JARID2: variants seen among roughly 807,000 people sequenced by gnomAD.
JARID2 encodes the protein protein Jumonji.
JARID2 carries 21 observed loss-of-function variants against 125.6 expected under a neutral mutation model. The ratio of observed to expected loss-of-function variants is 0.17; its 90% CI spans 0.12 to 0.24. The LOEUF (loss-of-function observed/expected upper bound fraction) is 0.24, where lower values mean the gene tolerates loss of function less well. Among genes scored for constraint, JARID2 ranks in the 10% least tolerant of loss-of-function variants. The probability of loss-of-function intolerance (pLI) is 1.00; values close to 1 mark genes in which losing one functional copy is unlikely to be tolerated. For synonymous variants in JARID2, 736 were observed against 661.6 expected (o/e 1.11, Z -1.73); for missense variants, 1,303 against 1,639.6 (o/e 0.79, Z 3.55).
chr6:15,411,418 A>G (rs1173988931), intron 3 of JARID2, among the ~76,000 whole-genome samples: 1 of 152,218 alleles, frequency 6.6e-6, no homozygotes, highest in Non-Finnish European at 1.5e-5. Flanking sequence ...GTCGTCTTTT[A>G]AATAGCCTTT....
intron 1 of JARID2, among the ~76,000 whole-genome samples, chr6:15,300,892 G>A (rs966563103): frequency 3.4e-4 from 51 of 152,148 alleles, no homozygotes; most frequent in Middle Eastern, 6.8e-3. Context: ...GGTCTGGGAC[G>A]GAAGGGTGAC....
intron 1 of JARID2, among the ~76,000 whole-genome samples, chr6:15,266,558 C>G (rs1760091541): frequency 6.6e-6 from 1 of 152,190 alleles, no homozygotes; most frequent in South Asian, 2.1e-4. Context: ...TTCCGTTGCT[C>G]AACGTGTTTC....
intron 4 of JARID2, among the ~76,000 whole-genome samples, chr6:15,466,265 A>C (rs901784077): frequency 6.6e-6 from 1 of 152,138 alleles, no homozygotes; most frequent in African/African-American, 2.4e-5. Flanking sequence ...CCTTCTGAAA[A>C]ATGGTTGAAT....
At chr6:15,326,312 A>T in intron 1 of JARID2, among the ~76,000 whole-genome samples, 1 of 151,964 alleles carries the variant, frequency 6.6e-6, no homozygotes, top group South Asian at 2.1e-4. Context: ...CTTATGCAAT[A>T]CTCTCGCCTC....
At chr6:15,281,193 C>T (rs1255157623) in intron 1 of JARID2, among the ~76,000 whole-genome samples, 2 of 152,136 alleles carry the variant, frequency 1.3e-5, no homozygotes, top group Admixed American at 1.3e-4. Flanking sequence ...TGCGCATATA[C>T]CACTTGGAGG....
At chr6:15,261,311 CTTTTTTT>C (rs70996526) in intron 1 of JARID2, among the ~76,000 whole-genome samples, 1 of 125,826 alleles carries the variant, frequency 7.9e-6, no homozygotes, top group East Asian at 2.2e-4. Flanking sequence ...TCTTCTTCTT[CTTTTTTT>C]TTTTTTTTTT....
chr6:15,449,252 T>G (rs1271499409), intron 3 of JARID2, among the ~76,000 whole-genome samples: 1 of 152,148 alleles, frequency 6.6e-6, no homozygotes, highest in Non-Finnish European at 1.5e-5. Flanking sequence ...CCCCCTTATT[T>G]TTTAAAAAAT....
rs70996539 is a variant in JARID2, at chr6:15,381,341, C to CCA, written c.181+7089_181+7090insCA. On this transcript the variant is annotated intron_variant, in intron 2 of 17. Coordinates refer to ENST00000341776, the MANE Select transcript of JARID2 (RefSeq NM_004973.4). Reference sequence around the variant, plus strand: ...GGGCGACAGAGGGAGACTCCTGTCTCAAAAAAAAAAAAAAAAAAAAAAGTG... The same window carrying CCA: ...GGGCGACAGAGGGAGACTCCTGTCTCCAAAAAAAAAAAAAAAAAAAAAAAGTG... 3.4e-4 allele frequency among the ~76,000 whole-genome samples: 32 copies of CCA among 92,980 alleles called. 1 individual carries two copies. The highest frequency in any genetic ancestry group is 5.2e-4 in the African/African-American group (12 of 23,032). 61.0% of individuals were successfully genotyped at this position (92,980 alleles called of 152,430 possible).
At chr6:15,385,647 G>A (rs942979977) in intron 2 of JARID2, among the ~76,000 whole-genome samples, 2 of 152,064 alleles carry the variant, frequency 1.3e-5, no homozygotes, top group Non-Finnish European at 2.9e-5. Context: ...CTGTGCCTGG[G>A]ATCTCCGAAG....
intron 1 of JARID2, among the ~76,000 whole-genome samples, chr6:15,311,868 G>A (rs533164319): frequency 3.3e-5 from 5 of 151,944 alleles, no homozygotes; most frequent in Non-Finnish European, 7.4e-5. Context: ...TGAAACTGGG[G>A]GGAATTTTCC....
At chr6:15,359,380 T>G (rs1362035254) in intron 1 of JARID2, among the ~76,000 whole-genome samples, 2 of 152,208 alleles carry the variant, frequency 1.3e-5, no homozygotes, top group Non-Finnish European at 2.9e-5. Flanking sequence ...TCTTCTGGAT[T>G]CTTCCTGGAT....
intron 1 of JARID2, among the ~76,000 whole-genome samples, chr6:15,345,283 G>C (rs1763206771): frequency 6.6e-6 from 1 of 152,186 alleles, no homozygotes; most frequent in African/African-American, 2.4e-5. Context: ...ATGTGTACCT[G>C]AATCTCTTTT....
At chr6:15,512,534 T>C (rs1771329342) in intron 14 of JARID2, 144 bp downstream of exon 14, 1 of 825,934 alleles carries the variant, frequency 1.2e-6, no homozygotes, top group Admixed American at 2.3e-5. Flanking sequence ...TCTTAAGACG[T>C]GGTTGAAAGG....
At chr6:15,269,935 C>T (rs1300162949) in intron 1 of JARID2, among the ~76,000 whole-genome samples, 1 of 152,112 alleles carries the variant, frequency 6.6e-6, no homozygotes, top group Non-Finnish European at 1.5e-5. Flanking sequence ...GCAACCTTGT[C>T]ATTTCTTTCC....
rs994634773 is a variant in JARID2, at chr6:15,392,475, G to C, written c.182-17749G>C. Reference sequence around the variant, plus strand: ...TTATGGGGGAGGTGGTGAGGAGGGGGTTCTAAGCTTGTAACAGGGGACGAC... The same window carrying C: ...TTATGGGGGAGGTGGTGAGGAGGGGCTTCTAAGCTTGTAACAGGGGACGAC... On this transcript the variant is annotated intron_variant, in intron 2 of 17. Coordinates refer to ENST00000341776, the MANE Select transcript of JARID2 (RefSeq NM_004973.4). Among the ~76,000 whole-genome samples, 5 of 152,132 alleles carry C rather than the reference G, an allele frequency of 3.3e-5. No homozygotes were observed. In the South Asian group the frequency reaches 6.2e-4, roughly 19 times the overall value.
At chr6:15,443,673 G>C (rs1271843798) in intron 3 of JARID2, among the ~76,000 whole-genome samples, 1 of 152,124 alleles carries the variant, frequency 6.6e-6, no homozygotes, top group Non-Finnish European at 1.5e-5. Flanking sequence ...AGATCCAAAA[G>C]ATTTATTACA....
At chr6:15,493,996 A>G (rs1429382747) in intron 6 of JARID2, among the ~76,000 whole-genome samples, 1 of 151,898 alleles carries the variant, frequency 6.6e-6, no homozygotes, top group African/African-American at 2.4e-5. Context: ...TGGGTGACTC[A>G]TGGTTTAAGA....
chr6:15,511,472 T>C, intron 13 of JARID2, 71 bp downstream of exon 13: 8 of 1,031,238 alleles, frequency 7.8e-6, no homozygotes, highest in African/African-American at 1.6e-5. Flanking sequence ...TGGTTTCCCA[T>C]GAACCCGCCT....
At chr6:15,341,752 A>G (rs1763076835) in intron 1 of JARID2, among the ~76,000 whole-genome samples, 1 of 152,256 alleles carries the variant, frequency 6.6e-6, no homozygotes, top group African/African-American at 2.4e-5. Flanking sequence ...GTGCCCGCTT[A>G]AGGGCAAGAT....
Sources: allele counts gnomAD v4.1 joint callset (sites outside exome capture counted in the v4.1 genomes callset), GRCh38; gene constraint gnomAD v4.1.1; transcripts MANE v1.5; gene names NCBI Gene and HGNC (gene_info 2026-07-23, HGNC 2026-07-21).